R3HDM1: variants seen among roughly 807,000 people sequenced by gnomAD.
R3HDM1 encodes R3H domain-containing protein 1.
Under a neutral mutation model 141.1 loss-of-function variants are expected in R3HDM1, and 46 were observed. The observed-to-expected ratio is 0.33, with a 90% confidence interval of 0.26 to 0.42. R3HDM1 has a LOEUF of 0.42. Ranked by LOEUF, R3HDM1 falls within the 10% of genes least tolerant of loss-of-function variation. The pLI, the probability that R3HDM1 is intolerant of heterozygous loss-of-function variation, is 1.00. For missense variants in R3HDM1, 1,184 were observed against 1,368.3 expected (o/e 0.87, Z 2.12); for synonymous variants, 435 against 472.9 (o/e 0.92, Z 1.04).
chr2:135,601,354 C>T (rs1296580602), intron 1 of R3HDM1, among the ~76,000 whole-genome samples: 3 of 152,068 alleles, frequency 2.0e-5, no homozygotes, highest in Admixed American at 6.5e-5. Flanking sequence ...AAGGATATAT[C>T]GGGTTCCAAG....
chr2:135,604,720 T>C, intron 2 of R3HDM1, 86 bp from the exon 3 acceptor site: 2 of 1,044,022 alleles, frequency 1.9e-6, no homozygotes. Context: ...CAACATTATT[T>C]CTGGAACATA....
chr2:135,669,499 AC>A lies in R3HDM1; in HGVS notation c.2153-5832del, dbSNP rs1388030214. The A allele has an allele frequency of 7.8e-5, 77 of 984,406 alleles. No individual in the cohort carries two copies. In the South Asian group the frequency reaches 3.3e-3, roughly 42 times the overall value. The allele number at this position is 984,406 out of a possible 1,614,324, so 61.0% of individuals were successfully genotyped here. A position where few individuals can be genotyped will look rare whatever the true frequency, so the allele number is the denominator to read the frequency against. ...TCTTGAGACTTAGGTATGTTAAGCT[AC>A]AGTAAAGTCTTCATTAACCAAAATT... is the stretch of plus-strand genomic sequence containing the variant. On this transcript the variant is annotated intron_variant, in intron 19 of 26. Transcript: ENST00000683871.
intron 1 of R3HDM1, among the ~76,000 whole-genome samples, chr2:135,532,562 A>AAT (rs34099775): frequency 0.11 from 16,818 of 150,390 alleles, 1,177 homozygotes; most frequent in South Asian, 0.3. Flanking sequence ...AAATTTTCTA[A>AAT]ATATATATAT....
At chr2:135,532,713 C>T (rs1695182379) in intron 1 of R3HDM1, among the ~76,000 whole-genome samples, 1 of 152,066 alleles carries the variant, frequency 6.6e-6, no homozygotes, top group Non-Finnish European at 1.5e-5. Flanking sequence ...ATATGTGAAA[C>T]AAGATCTTCT....
chr2:135,579,975 C>A (rs140506624), intron 1 of R3HDM1, among the ~76,000 whole-genome samples: 1 of 152,242 alleles, frequency 6.6e-6, no homozygotes, highest in East Asian at 1.9e-4. Flanking sequence ...AAAATAGGGG[C>A]CGGGCATAGT....
At chr2:135,616,434 A>T (rs780444625) in intron 4 of R3HDM1, among the ~76,000 whole-genome samples, 1 of 152,156 alleles carries the variant, frequency 6.6e-6, no homozygotes, top group South Asian at 2.1e-4. Context: ...TGGGGATATG[A>T]AGTTGGAATT....
chr2:135,677,823 C>A (rs150428165), intron 20 of R3HDM1, among the ~76,000 whole-genome samples: 178 of 152,230 alleles, frequency 1.2e-3, no homozygotes, highest in Middle Eastern at 6.8e-3. Context: ...CCAGAAAAGT[C>A]ATCTGTCCTA....
At chr2:135,684,054 C>T (rs1305605581) in intron 21 of R3HDM1, among the ~76,000 whole-genome samples, 1 of 151,778 alleles carries the variant, frequency 6.6e-6, no homozygotes, top group African/African-American at 2.4e-5. Context: ...TAAATCTATA[C>T]TGAATGAACA....
intron 18 of R3HDM1, among the ~76,000 whole-genome samples, chr2:135,655,339 G>A (rs1414792213): frequency 2.0e-5 from 3 of 151,978 alleles, no homozygotes; most frequent in Non-Finnish European, 4.4e-5. Flanking sequence ...TAAATGTAAG[G>A]GTTTTTTCCT....
At chr2:135,704,603 T>A (rs932267402) in intron 21 of R3HDM1, among the ~76,000 whole-genome samples, 1 of 151,926 alleles carries the variant, frequency 6.6e-6, no homozygotes, top group Non-Finnish European at 1.5e-5. Flanking sequence ...CCCAAGTAGC[T>A]GGGATTACAG....
In R3HDM1 at chr2:135,708,060, A is replaced by G. The variant is rs1319303148; in HGVS notation, c.2460-1373A>G. On this transcript the variant is annotated intron_variant, in intron 21 of 26. Transcript: ENST00000683871. ...CTGAACCCATATATGCCCATCACCAATTATGTAATTACTAATCTGTTTTCA... is the reference window on the plus strand; with the variant it reads ...CTGAACCCATATATGCCCATCACCAGTTATGTAATTACTAATCTGTTTTCA... Among the ~76,000 whole-genome samples, 3 of 152,176 alleles carry G rather than the reference A, an allele frequency of 2.0e-5. No individual in the cohort carries two copies. In the East Asian group the frequency reaches 5.8e-4, roughly 29 times the overall value.
Position 135,641,770 on chromosome 2 carries a change from T to C in R3HDM1, c.1454T>C (p.Ile485Thr), listed in dbSNP as rs1291310980. 1.2e-6 allele frequency: 2 copies of C among 1,613,828 alleles called. No individual in the cohort carries two copies. Among genetic ancestry groups the C allele is most frequent in the Admixed American group, 3.3e-5 (2 of 59,948 alleles). ...LEAAGIPPGS[I>T]LINPQTGQPF... ...GCGGCAGGCATACCACCTGGCAGTA[T>C]TCTGATCAACCCACAAACAGGTTGG... The change falls in exon 15 of 27, where the codon ATT becomes ACT. Residue 485 changes from isoleucine to threonine, a missense_variant. Ile to Thr is a moderately conservative substitution (Grantham distance 89). Coordinates refer to ENST00000683871, the MANE Select transcript of R3HDM1 (RefSeq NM_001378107.1).
chr2:135,701,510 G>A (rs971377068), intron 21 of R3HDM1, among the ~76,000 whole-genome samples: 1 of 151,768 alleles, frequency 6.6e-6, no homozygotes, highest in Non-Finnish European at 1.5e-5. Flanking sequence ...GTGAGGTGAG[G>A]TGAATGATTG....
chr2:135,590,860 C>T, intron 1 of R3HDM1: 1 of 356,606 alleles, frequency 2.8e-6, no homozygotes, highest in Non-Finnish European at 3.9e-6. Context: ...TTACTGGCCA[C>T]AAAATGCTCT....
chr2:135,563,688 A>G (rs919967087), intron 1 of R3HDM1, among the ~76,000 whole-genome samples: 1 of 152,208 alleles, frequency 6.6e-6, no homozygotes, highest in African/African-American at 2.4e-5. Context: ...GAAAAGACCA[A>G]CCACTAAAAA....
At chr2:135,707,740 GCA>G (rs1253287254) in intron 21 of R3HDM1, among the ~76,000 whole-genome samples, 3 of 152,062 alleles carry the variant, frequency 2.0e-5, no homozygotes, top group Admixed American at 2.0e-4. Context: ...CTCAATTTCG[GCA>G]CATTTACAGA....
intron 15 of R3HDM1, among the ~76,000 whole-genome samples, chr2:135,643,077 T>C (rs1002637065): frequency 6.6e-6 from 1 of 152,046 alleles, no homozygotes; most frequent in Non-Finnish European, 1.5e-5. Context: ...AGAAACTGAT[T>C]GGTCTGAAAT....
intron 1 of R3HDM1, among the ~76,000 whole-genome samples, chr2:135,570,715 A>C (rs901287535): frequency 6.6e-6 from 1 of 152,234 alleles, no homozygotes; most frequent in Non-Finnish European, 1.5e-5. Context: ...TTCGTTGTAG[A>C]GATTATGTGT....
At chr2:135,559,896 C>T (rs2104955715) in intron 1 of R3HDM1, among the ~76,000 whole-genome samples, 1 of 152,308 alleles carries the variant, frequency 6.6e-6, no homozygotes, top group Non-Finnish European at 1.5e-5. Context: ...AAAAGAGATA[C>T]ACTCTTAATT....
Sources: gnomAD v4.1 joint callset for allele counts (sites outside exome capture counted in the v4.1 genomes callset) on GRCh38, gnomAD v4.1.1 for gene constraint, MANE v1.5 for transcripts, NCBI Gene and HGNC (gene_info 2026-07-23, HGNC 2026-07-21) for gene names.